Variants in CDH23 observed in about 807,000 individuals in gnomAD.
The protein encoded by CDH23 is cadherin-23.
CDH23 carries 189 observed loss-of-function variants against 317.1 expected under a neutral mutation model. The ratio of observed to expected loss-of-function variants is 0.60; its 90% confidence interval spans 0.53 to 0.67. The LOEUF (loss-of-function observed/expected upper bound fraction) is 0.67. Ranked by LOEUF, CDH23 falls within the 30% of genes least tolerant of loss-of-function variation. The pLI, the probability that CDH23 is intolerant of heterozygous loss-of-function variation, is 0.00. For synonymous variants in CDH23, 1,839 were observed against 1,876.8 expected, an observed-to-expected ratio of 0.98 and a Z score of 0.52; for missense variants, 4,401 against 4,592.4, an observed-to-expected ratio of 0.96 and a Z score of 1.20.
chr10:71,812,909 C>G lies in CDH23; in HGVS notation c.9633+19C>G, dbSNP rs759843830. 6.8e-6 allele frequency: 11 copies of G among 1,611,942 alleles called. No individual in the cohort carries two copies. The highest frequency in any genetic ancestry group is 1.7e-5 in the Admixed American group (1 of 59,724). ...AATCAAGGTGAGCCTTCCCTGCAGG[C>G]TCCGCGCCCAGTCCCTTGGCTGAGG... On this transcript the variant is annotated intron_variant, in intron 68 of 69. Transcript: ENST00000224721.
rs769833041 is a variant in CDH23, at chr10:71,815,296, G to A, written c.*18G>A. On this transcript the variant is annotated 3_prime_UTR_variant, in exon 70 of 70. Coordinates refer to ENST00000224721, the MANE Select transcript of CDH23 (RefSeq NM_022124.6). ...AGCTGTGACTAGACAGGGAAGCCTTGTGGGTGTGAGCAGCACCCATCCACC... is the reference window on the plus strand; with the variant it reads ...AGCTGTGACTAGACAGGGAAGCCTTATGGGTGTGAGCAGCACCCATCCACC... The A allele has an allele frequency of 1.9e-6, 3 of 1,543,682 alleles. No homozygotes were observed. The highest frequency in any genetic ancestry group is 1.8e-5 in the Admixed American group (1 of 54,834).
At chr10:71,728,210 C>A (rs2132813170) in intron 30 of CDH23, among the ~76,000 whole-genome samples, 1 of 152,250 alleles carries the variant, frequency 6.6e-6, no homozygotes, top group South Asian at 2.1e-4. Context: ...CCCACCCTAC[C>A]CAGGATCTTC....
chr10:71,766,931 G>A (rs762356874), intron 38 of CDH23, among the ~76,000 whole-genome samples: 3 of 152,194 alleles, frequency 2.0e-5, no homozygotes, highest in Non-Finnish European at 4.4e-5. Context: ...CACGCCCTCC[G>A]TGCAACATTC....
At chr10:71,680,338 C>G (rs767799065) in intron 17 of CDH23, among the ~76,000 whole-genome samples, 3 of 152,212 alleles carry the variant, frequency 2.0e-5, no homozygotes, top group Non-Finnish European at 4.4e-5. Flanking sequence ...TTCCTGGAGC[C>G]TGGGTTAGGT....
intron 6 of CDH23, among the ~76,000 whole-genome samples, chr10:71,530,098 C>T (rs944553850): frequency 1.3e-5 from 2 of 150,352 alleles, no homozygotes; most frequent in African/African-American, 2.5e-5. Flanking sequence ...TCTGCCTGGC[C>T]GGTTATTAAT....
intron 38 of CDH23, among the ~76,000 whole-genome samples, chr10:71,770,727 T>G (rs1840666315): frequency 6.6e-6 from 1 of 152,164 alleles, no homozygotes; most frequent in Non-Finnish European, 1.5e-5. Context: ...GGTGACCCCT[T>G]TAGCGTCTCA....
chr10:71,716,171 A>G (rs1866221234), intron 28 of CDH23: 1 of 1,550,988 alleles, frequency 6.4e-7, no homozygotes, highest in Non-Finnish European at 8.7e-7. Context: ...GCAGAGCGTC[A>G]TGAACAGCAG....
chr10:71,668,103 A>C (rs1863989884), intron 14 of CDH23, among the ~76,000 whole-genome samples: 1 of 152,034 alleles, frequency 6.6e-6, no homozygotes, highest in Non-Finnish European at 1.5e-5. Flanking sequence ...CTGCTTGGGT[A>C]TCTGAGGGTC....
At chr10:71,675,294 A>G in intron 15 of CDH23, 118 bp downstream of exon 15, 1 of 811,322 alleles carries the variant, frequency 1.2e-6, no homozygotes, top group Non-Finnish European at 2.0e-6. Flanking sequence ...TCCTGTGGCT[A>G]GAGCACTGGA....
In CDH23 at chr10:71,751,818, G is replaced by A. The variant is rs764702023; in HGVS notation, c.4845+9897G>A. Reference sequence around the variant, plus strand: ...TTGGCCTCGGGTATCCCCTGGGCAGGTGGTGAGGCTTCAAAGCCGGGGTTT... The same window carrying A: ...TTGGCCTCGGGTATCCCCTGGGCAGATGGTGAGGCTTCAAAGCCGGGGTTT... On this transcript the variant is annotated intron_variant, in intron 38 of 69. Transcript: ENST00000224721. This position sits in a 1 kb window ranked among gnomAD's most constrained non-coding sequence, Gnocchi z 4.9. 1.3e-6 allele frequency: 2 copies of A among 1,575,878 alleles called. No individual in the cohort carries two copies. The highest frequency in any genetic ancestry group is 3.8e-5 in the Admixed American group (2 of 52,546).
chr10:71,474,422 C>T (rs1043888217), intron 3 of CDH23, among the ~76,000 whole-genome samples: 1 of 152,198 alleles, frequency 6.6e-6, no homozygotes, highest in African/African-American at 2.4e-5. Flanking sequence ...CCACCTTAGC[C>T]CACAGAGACC....
chr10:71,520,500 TGGCTGGG>T, intron 6 of CDH23, among the ~76,000 whole-genome samples: 1 of 152,252 alleles, frequency 6.6e-6, no homozygotes, highest in South Asian at 2.1e-4. Flanking sequence ...CCATCAAAGG[TGGCTGGG>T]GAAGATTCTC....
At chr10:71,633,627 C>T (rs1048244960) in intron 11 of CDH23, among the ~76,000 whole-genome samples, 1 of 152,140 alleles carries the variant, frequency 6.6e-6, no homozygotes. Flanking sequence ...GACCCAAGAC[C>T]GGGCAGCTCC....
At chr10:71,699,890 G>A (rs1865521047) in intron 22 of CDH23, among the ~76,000 whole-genome samples, 2 of 152,096 alleles carry the variant, frequency 1.3e-5, no homozygotes, top group South Asian at 4.1e-4. Context: ...CATTGCCCAT[G>A]CCCTGACCAG....
In CDH23 at chr10:71,725,412, G is replaced by A. The variant is rs1166679728; in HGVS notation, c.3471G>A (p.Gly1157=). ...ACTTCCGGATCCATGTCAGCAATGGGCTCCTGATGCGAGGGCCCCGGCCCC... is the reference window on the plus strand; with the variant it reads ...ACTTCCGGATCCATGTCAGCAATGGACTCCTGATGCGAGGGCCCCGGCCCC... ...GNNFRIHVSN[G]LLMRGPRPLD... is the part of the protein sequence containing the mutation. The change falls in exon 30 of 70, where the codon GGG becomes GGA. Residue 1157 remains glycine, a synonymous_variant. Transcript: ENST00000224721. The A allele has an allele frequency of 1.2e-6, 2 of 1,613,922 alleles. No individual in the cohort carries two copies. Among genetic ancestry groups the A allele is most frequent in the African/African-American group, 2.7e-5 (2 of 74,940 alleles).
intron 11 of CDH23, among the ~76,000 whole-genome samples, chr10:71,622,172 G>T (rs1352925404): frequency 6.6e-6 from 1 of 152,082 alleles, no homozygotes; most frequent in Non-Finnish European, 1.5e-5. Context: ...GGGGAGCCAC[G>T]GTGAATCGGC....
intron 3 of CDH23, among the ~76,000 whole-genome samples, chr10:71,460,736 T>C (rs755579): frequency 0.46 from 69,462 of 151,984 alleles, 16,133 homozygotes; most frequent in East Asian, 0.6. Context: ...GTCCCTCCCA[T>C]CCTGCTCATC....
chr10:71,548,454 C>G (rs1856407536), intron 6 of CDH23, among the ~76,000 whole-genome samples: 1 of 151,206 alleles, frequency 6.6e-6, no homozygotes, highest in Admixed American at 6.6e-5. Context: ...GGCACCAGCT[C>G]TCCTCCAAGT....
intron 11 of CDH23, among the ~76,000 whole-genome samples, chr10:71,628,428 C>A (rs1420183539): frequency 6.6e-6 from 1 of 152,224 alleles, no homozygotes; most frequent in East Asian, 1.9e-4. Context: ...TTAGGGCAGA[C>A]CCTCCCTTCC....
Sources: gnomAD v4.1 joint callset for allele counts (sites outside exome capture counted in the v4.1 genomes callset) on GRCh38, gnomAD v4.1.1 for gene constraint, Gnocchi (gnomAD v3.1) non-coding constraint, MANE v1.5 for transcripts, NCBI Gene and HGNC (gene_info 2026-07-23, HGNC 2026-07-21) for gene names.